SEMA6D: variants seen among roughly 807,000 people sequenced by gnomAD.
SEMA6D encodes semaphorin 6D, also known as semaphorin-6D.
In SEMA6D, 35 loss-of-function variants were observed where a neutral mutation model predicts 106.6. The ratio of observed to expected loss-of-function variants is 0.33; its 90% CI spans 0.25 to 0.44. SEMA6D has a LOEUF of 0.44. Among genes scored for constraint, SEMA6D ranks in the 20% least tolerant of loss-of-function variants. SEMA6D has a pLI of 1.00. For missense variants in SEMA6D, 1,185 were observed against 1,345.9 expected (o/e 0.88, Z 1.87); for synonymous variants, 499 against 487.7 (o/e 1.02, Z -0.31).
intron 1 of SEMA6D, among the ~76,000 whole-genome samples, chr15:47,355,892 G>A (rs2038545665): frequency 6.6e-6 from 1 of 152,168 alleles, no homozygotes; most frequent in South Asian, 2.1e-4. Context: ...ACATTTTGTT[G>A]TTTTAAATTG....
In SEMA6D at chr15:47,392,430, T is replaced by C. The variant is rs143383618; in HGVS notation, c.-238-19963T>C. On this transcript the variant is annotated intron_variant, in intron 1 of 19. Transcript: ENST00000558014. ...CTCAGTCTAATCACATGTGTTTTTA[T>C]AAATCAAAGAAGGAGACAGGAGGGT... Among the ~76,000 whole-genome samples the C allele has an allele frequency of 3.9e-3, 588 of 152,246 alleles. 2 individuals are homozygous for C. Among genetic ancestry groups the C allele is most frequent in the African/African-American group, 0.013 (559 of 41,554 alleles).
Position 47,504,636 on chromosome 15 carries a change from G to T in SEMA6D, c.-87+34091G>T, listed in dbSNP as rs372236555. On this transcript the variant is annotated intron_variant, in intron 3 of 19. Transcript: ENST00000558014. ...TTGATAAAGCTAGAGAATGTCATAT[G>T]TCTTTGATGTGCCACAAAACGGGTG... 9.9e-5 allele frequency among the ~76,000 whole-genome samples: 15 copies of T among 152,264 alleles called. No individual in the cohort carries two copies. The South Asian group carries it at 3.1e-3, about 32-fold the overall frequency.
At chr15:47,251,875 C>G (rs1187754200) in intron 1 of SEMA6D, among the ~76,000 whole-genome samples, 2 of 134,084 alleles carry the variant, frequency 1.5e-5, no homozygotes, top group African/African-American at 5.6e-5. Flanking sequence ...CAGTAAGTAT[C>G]TGTTCATGTA....
intron 3 of SEMA6D, among the ~76,000 whole-genome samples, chr15:47,488,477 A>AG (rs34866047): frequency 4.0e-5 from 4 of 99,816 alleles, no homozygotes; most frequent in Non-Finnish European, 8.8e-5. Flanking sequence ...CTCATTTTTG[A>AG]AAAAAAAAAC....
intron 4 of SEMA6D, among the ~76,000 whole-genome samples, chr15:47,621,106 A>G (rs2077089832): frequency 6.6e-6 from 1 of 152,170 alleles, no homozygotes; most frequent in Non-Finnish European, 1.5e-5. Context: ...ATAGCCTAGA[A>G]CTAACCTACC....
Position 47,719,246 on chromosome 15 carries a change from C to A in SEMA6D, c.-55+1554C>A, listed in dbSNP as rs977776529. ...TACTCCCTGTTCTGGGGTGACCATT[C>A]GGTAACTGATGTTCCAGCATCCCGA... is the stretch of plus-strand genomic sequence containing the variant. On this transcript the variant is annotated intron_variant, in intron 1 of 18. Coordinates refer to ENST00000536845, the MANE Select transcript of SEMA6D (RefSeq NM_001358351.3). Among the ~76,000 whole-genome samples, 144 of 152,244 alleles carry A rather than the reference C, an allele frequency of 9.5e-4. 1 individual carries two copies. The highest frequency in any genetic ancestry group is 3.4e-3 in the African/African-American group (142 of 41,534).
chr15:47,722,730 C>G (rs1832380047), intron 1 of SEMA6D, among the ~76,000 whole-genome samples: 1 of 152,152 alleles, frequency 6.6e-6, no homozygotes, highest in Admixed American at 6.5e-5. Flanking sequence ...CACAAAACAT[C>G]TGAAGGATGA....
chr15:47,430,401 GT>G (rs899415347), intron 2 of SEMA6D, among the ~76,000 whole-genome samples: 3 of 151,170 alleles, frequency 2.0e-5, no homozygotes, highest in Admixed American at 6.6e-5. Flanking sequence ...CATCCAGGGA[GT>G]TTTTTTTTCC....
intron 1 of SEMA6D, among the ~76,000 whole-genome samples, chr15:47,256,314 A>C (rs1025434017): frequency 6.6e-6 from 1 of 152,194 alleles, no homozygotes; most frequent in African/African-American, 2.4e-5. Context: ...TGGACATACT[A>C]TGTTGAGCTT....
intron 4 of SEMA6D, among the ~76,000 whole-genome samples, chr15:47,677,391 A>G (rs568274498): frequency 6.6e-6 from 1 of 152,224 alleles, no homozygotes; most frequent in South Asian, 2.1e-4. Context: ...ACCCAGGGAG[A>G]AGCTGCTAAG....
chr15:47,645,171 A>T (rs895536475), intron 4 of SEMA6D, among the ~76,000 whole-genome samples: 4 of 152,164 alleles, frequency 2.6e-5, no homozygotes, highest in Non-Finnish European at 5.9e-5. Flanking sequence ...CCACAGAGGG[A>T]TAAAGGAAGT....
chr15:47,203,244 C>G (rs1430800428), intron 1 of SEMA6D, among the ~76,000 whole-genome samples: 1 of 152,010 alleles, frequency 6.6e-6, no homozygotes, highest in Non-Finnish European at 1.5e-5. Context: ...TTGTTCTATT[C>G]CCCCACCCCC....
chr15:47,700,249 C>T (rs1435970109), intron 4 of SEMA6D, among the ~76,000 whole-genome samples: 1 of 152,166 alleles, frequency 6.6e-6, no homozygotes, highest in Non-Finnish European at 1.5e-5. Flanking sequence ...AAAATCCTAC[C>T]AAGCTATTTT....
chr15:47,592,640 A>G (rs141034017), intron 3 of SEMA6D, among the ~76,000 whole-genome samples: 3 of 152,346 alleles, frequency 2.0e-5, no homozygotes, highest in Non-Finnish European at 2.9e-5. Context: ...GACAGAGACC[A>G]TGTCAAATTG....
At chr15:47,426,488 G>A (rs936243115) in intron 2 of SEMA6D, among the ~76,000 whole-genome samples, 3 of 152,068 alleles carry the variant, frequency 2.0e-5, no homozygotes, top group Admixed American at 1.3e-4. Context: ...CGACATTGTG[G>A]GGTACGTGAG....
chr15:47,217,776 T>A (rs2030787580), intron 1 of SEMA6D, among the ~76,000 whole-genome samples: 1 of 151,596 alleles, frequency 6.6e-6, no homozygotes, highest in African/African-American at 2.4e-5. Flanking sequence ...TATATATATT[T>A]AAATATGTTG....
chr15:47,516,821 A>G (rs1410768447), intron 3 of SEMA6D, among the ~76,000 whole-genome samples: 1 of 152,232 alleles, frequency 6.6e-6, no homozygotes, highest in African/African-American at 2.4e-5. Context: ...GAGCTAATCC[A>G]GAGCCTGGTG....
At chr15:47,583,610 G>A (rs1296255214) in intron 3 of SEMA6D, among the ~76,000 whole-genome samples, 3 of 152,142 alleles carry the variant, frequency 2.0e-5, no homozygotes, top group Non-Finnish European at 4.4e-5. Flanking sequence ...CCTAGGCATG[G>A]CTTGGCAATA....
chr15:47,357,463 T>C (rs1856864469), intron 1 of SEMA6D, among the ~76,000 whole-genome samples: 1 of 152,178 alleles, frequency 6.6e-6, no homozygotes, highest in African/African-American at 2.4e-5. Context: ...TAAAATATGC[T>C]TAAATGTATA....
Sources: gnomAD v4.1 joint callset for allele counts (sites outside exome capture counted in the v4.1 genomes callset) on GRCh38, gnomAD v4.1.1 for gene constraint, MANE v1.5 for transcripts, NCBI Gene and HGNC (gene_info 2026-07-23, HGNC 2026-07-21) for gene names.